Variants in MAMLD1 observed in about 807,000 individuals in gnomAD.
MAMLD1 encodes the protein mastermind-like domain-containing protein 1.
A neutral mutation model predicts 45.0 loss-of-function variants in MAMLD1; 14 were observed. That is an observed-to-expected ratio of 0.31 (90% CI 0.21 to 0.49). The LOEUF is 0.49. Ranked by LOEUF, MAMLD1 falls within the 20% of genes least tolerant of loss-of-function variation. The pLI is 0.99. For synonymous variants in MAMLD1, 254 were observed against 247.8 expected, an observed-to-expected ratio of 1.02 and a Z score of -0.24; for missense variants, 543 against 603.6, an observed-to-expected ratio of 0.90 and a Z score of 1.05.
At chrX:150,399,566 G>A (rs782663036) in intron 1 of MAMLD1, among the ~76,000 whole-genome samples, 2 of 111,750 alleles carry the variant, frequency 1.8e-5, no homozygotes, top group South Asian at 7.6e-4. Flanking sequence ...TAAAAAGAGG[G>A]AAATTTGGAG....
intron 1 of MAMLD1, among the ~76,000 whole-genome samples, chrX:150,406,080 T>C (rs2124528740): frequency 9.0e-6 from 1 of 111,627 alleles, no homozygotes; most frequent in Non-Finnish European, 1.9e-5. Flanking sequence ...CAGGCATATG[T>C]GCTGTGTGTC....
chrX:150,378,658 T>C (rs1340203791), intron 1 of MAMLD1, among the ~76,000 whole-genome samples: 2 of 112,210 alleles, frequency 1.8e-5, no homozygotes, highest in Non-Finnish European at 3.8e-5. Flanking sequence ...AAAGAACTTT[T>C]CTTTCACTCC....
chrX:150,440,323 G>GT (rs782520281), intron 1 of MAMLD1, among the ~76,000 whole-genome samples: 1,058 of 102,450 alleles, frequency 0.01, 13 homozygotes, highest in African/African-American at 0.034. Flanking sequence ...GGTCTGCAGG[G>GT]TTTTTTTTTT....
At chrX:150,505,128 G>C (rs1022377437) in intron 6 of MAMLD1, 12 of 736,729 alleles carry the variant, frequency 1.6e-5, no homozygotes, top group Non-Finnish European at 1.9e-5. Flanking sequence ...GATCTCTGCC[G>C]TTTGCTTTCA....
At chrX:150,372,199 G>C (rs2032047236) in intron 1 of MAMLD1, among the ~76,000 whole-genome samples, 2 of 112,368 alleles carry the variant, frequency 1.8e-5, no homozygotes, top group South Asian at 7.4e-4. Flanking sequence ...GGGCATATTA[G>C]AATCTGAACT....
intron 6 of MAMLD1, among the ~76,000 whole-genome samples, chrX:150,507,863 G>C (rs2037779750): frequency 8.9e-6 from 1 of 112,075 alleles, no homozygotes; most frequent in Non-Finnish European, 1.9e-5. Flanking sequence ...ACACTCTCCA[G>C]CCTCCATCTG....
intron 3 of MAMLD1, among the ~76,000 whole-genome samples, chrX:150,466,483 C>T (rs191180827): frequency 1.2e-4 from 13 of 112,403 alleles, no homozygotes; most frequent in Non-Finnish European, 2.1e-4. Flanking sequence ...CAGCCTCTAT[C>T]GGCACCCCAA....
chrX:150,495,241 A>C (rs2037341714), intron 5 of MAMLD1, among the ~76,000 whole-genome samples: 1 of 107,793 alleles, frequency 9.3e-6, no homozygotes, highest in African/African-American at 3.4e-5. Flanking sequence ...AAACAACAGC[A>C]ACAGCAAAAA....
At chrX:150,500,386 T>C (rs2037516969) in intron 5 of MAMLD1, among the ~76,000 whole-genome samples, 1 of 110,531 alleles carries the variant, frequency 9.0e-6, no homozygotes. Flanking sequence ...ACCTGGCTGC[T>C]GAGAGGGTGG....
chrX:150,402,101 C>T (rs1365806500), intron 1 of MAMLD1, among the ~76,000 whole-genome samples: 1 of 111,027 alleles, frequency 9.0e-6, no homozygotes, highest in Non-Finnish European at 1.9e-5. Flanking sequence ...AGCTTCTGCA[C>T]AGCAAAAGAA....
intron 1 of MAMLD1, among the ~76,000 whole-genome samples, chrX:150,444,170 C>T (rs1329712605): frequency 1.1e-4 from 12 of 111,468 alleles, no homozygotes; most frequent in Non-Finnish European, 1.9e-4. Flanking sequence ...TACTCTAGTG[C>T]GGATAGGGAA....
At position 150,488,129 on chromosome X, in the gene MAMLD1, C is replaced by T. The variant is rs143941891; in HGVS notation, c.2040+14327C>T. Among the ~76,000 whole-genome samples, 1,125 of 112,691 alleles carry T rather than the reference C, an allele frequency of 1.0e-2. 12 individuals carry two copies. The highest frequency in any genetic ancestry group is 0.035 in the African/African-American group (1,072 of 30,976). ...ATCTACAGCCAACTTTTTCATGGCC[C>T]TCCCCCTTCTCTCTGGGAAGCTGGT... On this transcript the variant is annotated intron_variant, in intron 5 of 7. Coordinates refer to ENST00000370401, the MANE Select transcript of MAMLD1 (RefSeq NM_005491.5).
chrX:150,497,444 C>T (rs1046763969), intron 5 of MAMLD1, among the ~76,000 whole-genome samples: 10 of 108,801 alleles, frequency 9.2e-5, no homozygotes, highest in East Asian at 2.9e-4. Flanking sequence ...CCACCATGCC[C>T]GGCTAACTTT....
intron 5 of MAMLD1, among the ~76,000 whole-genome samples, chrX:150,497,768 C>T (rs1379007818): frequency 8.9e-6 from 1 of 111,786 alleles, no homozygotes; most frequent in Non-Finnish European, 1.9e-5. Context: ...AGTGGCCTTA[C>T]AAAATATTCT....
intron 1 of MAMLD1, among the ~76,000 whole-genome samples, chrX:150,367,874 A>G (rs2031620895): frequency 1.8e-5 from 2 of 111,504 alleles, no homozygotes; most frequent in South Asian, 3.9e-4. Context: ...CCATGTCCCT[A>G]CAAAGGACAT....
Position 150,385,649 on chromosome X carries a change from G to A in MAMLD1, c.-64+22119G>A, listed in dbSNP as rs182147249. Among the ~76,000 whole-genome samples the A allele has an allele frequency of 2.3e-3, 260 of 111,328 alleles. 3 individuals are homozygous for A. The highest frequency in any genetic ancestry group is 8.2e-3 in the African/African-American group (252 of 30,665). ...AGTAGACTGAGGAGAAGGAGGAAGAGGAAGGGTTGCTCTTGCTGTCTTGGG... is the reference window on the plus strand; with the variant it reads ...AGTAGACTGAGGAGAAGGAGGAAGAAGAAGGGTTGCTCTTGCTGTCTTGGG... On this transcript the variant is annotated intron_variant, in intron 1 of 7. Transcript: ENST00000370401.
At chrX:150,430,477 G>A (rs2034897919) in intron 1 of MAMLD1, among the ~76,000 whole-genome samples, 1 of 111,632 alleles carries the variant, frequency 9.0e-6, no homozygotes, top group African/African-American at 3.3e-5. Context: ...TATTTTTGAT[G>A]AAGTCTAGTT....
intron 1 of MAMLD1, among the ~76,000 whole-genome samples, chrX:150,417,150 T>G (rs1460481434): frequency 6.3e-5 from 7 of 110,380 alleles, no homozygotes; most frequent in African/African-American, 2.0e-4. Flanking sequence ...CCCAATGCTA[T>G]CCCTCCCCCC....
intron 1 of MAMLD1, among the ~76,000 whole-genome samples, chrX:150,402,831 C>A (rs1226901354): frequency 2.7e-5 from 3 of 110,351 alleles, no homozygotes; most frequent in Non-Finnish European, 5.7e-5. Context: ...AACAAAAAAC[C>A]AAACACCGTA....
Sources: gnomAD v4.1 joint callset for allele counts (sites outside exome capture counted in the v4.1 genomes callset) on GRCh38, gnomAD v4.1.1 for gene constraint, MANE v1.5 for transcripts, NCBI Gene and HGNC (gene_info 2026-07-23, HGNC 2026-07-21) for gene names.